The following ZNF521 variants were observed in gnomAD, a reference collection of about 807,000 sequenced individuals.
The protein encoded by ZNF521 is zinc finger protein 521.
ZNF521 carries 14 observed loss-of-function variants against 105.5 expected under a neutral mutation model. That is an observed-to-expected ratio of 0.13 (90% CI 0.09 to 0.21). The LOEUF (loss-of-function observed/expected upper bound fraction) is 0.21. Ranked by LOEUF, ZNF521 falls within the 10% of genes least tolerant of loss-of-function variation. The pLI, the probability that ZNF521 is intolerant of heterozygous loss-of-function variation, is 1.00. For synonymous variants in ZNF521, 635 were observed against 606.0 expected, an observed-to-expected ratio of 1.05 and a Z score of -0.70; for missense variants, 1,233 against 1,629.7, an observed-to-expected ratio of 0.76 and a Z score of 4.19.
Position 25,225,577 on chromosome 18 carries a change from T to C in ZNF521, c.2341A>G (p.Lys781Glu). 2 of 1,614,216 alleles carry C rather than the reference T, an allele frequency of 1.2e-6. No homozygotes were observed. The highest frequency in any genetic ancestry group is 4.5e-5 in the East Asian group (2 of 44,884). ...VKHNHLENQGKVHKCIFCGES... is the reference protein window; with the variant it reads ...VKHNHLENQGEVHKCIFCGES... ...CCGCAGAAAATGCACTTATGCACTT[T>C]CCCTTGGTTTTCCAGGTGGTTGTGT... Residue 781 changes from lysine to glutamate, a missense_variant, in exon 4 of 8, where the codon AAA (lysine) becomes GAA (glutamate). Lys to Glu is a moderately conservative substitution (Grantham distance 56). Coordinates refer to ENST00000361524, the MANE Select transcript of ZNF521 (RefSeq NM_015461.3). The surrounding 1 kb of genome is among the most constrained non-coding windows in gnomAD (Gnocchi z 5.6).
At chr18:25,282,678 C>CA (rs1242995107) in intron 3 of ZNF521, among the ~76,000 whole-genome samples, 2 of 151,504 alleles carry the variant, frequency 1.3e-5, no homozygotes, top group African/African-American at 2.4e-5. Context: ...GTCAGAAGCC[C>CA]AAAAAAATTA....
rs779125618 is a variant in ZNF521 at position 25,226,501 on chromosome 18, G to C, written c.1417C>G (p.Pro473Ala). The C allele has an allele frequency of 8.7e-6, 14 of 1,614,030 alleles. No homozygotes were observed. The highest frequency in any genetic ancestry group is 1.6e-4 in the Middle Eastern group (1 of 6,084). ...QDPGLIVSAMPAIVYQCNFCS... is the reference protein window; with the variant it reads ...QDPGLIVSAMAAIVYQCNFCS... ...AAGTTACACTGGTAGACAATGGCAGGCATGGCAGAAACAATCAGACCTGGG... is the reference window on the plus strand; with the variant it reads ...AAGTTACACTGGTAGACAATGGCAGCCATGGCAGAAACAATCAGACCTGGG... The change falls in exon 4 of 8, where the codon CCT becomes GCT. Residue 473 changes from proline to alanine, a missense_variant. Physicochemically the swap from Pro to Ala is conservative, Grantham distance 27 (BLOSUM62 -1). Around this residue, in one of 6 missense-constraint regions of ZNF521, gnomAD observed 380 missense variants for 478.0 expected, o/e 0.80. Transcript: ENST00000361524. This position sits in a 1 kb window ranked among gnomAD's most constrained non-coding sequence, Gnocchi z 4.1.
intron 3 of ZNF521, among the ~76,000 whole-genome samples, chr18:25,290,609 T>C (rs1050551851): frequency 1.4e-5 from 2 of 140,560 alleles, no homozygotes; most frequent in Admixed American, 7.0e-5. Context: ...GCCATATTCT[T>C]TTTTTTTTTT....
At chr18:25,114,975 T>G (rs1220474691) in intron 5 of ZNF521, among the ~76,000 whole-genome samples, 1 of 152,220 alleles carries the variant, frequency 6.6e-6, no homozygotes, top group African/African-American at 2.4e-5. Context: ...TTATTTTTTT[T>G]CCTATGAATA....
chr18:25,154,267 C>T (rs552744191), intron 5 of ZNF521, among the ~76,000 whole-genome samples: 7 of 152,230 alleles, frequency 4.6e-5, no homozygotes, highest in South Asian at 2.1e-4. Context: ...TGCTGTGGCC[C>T]GAAGCTGCTA....
chr18:25,174,171 A>C (rs2035495672), intron 5 of ZNF521, among the ~76,000 whole-genome samples: 1 of 152,168 alleles, frequency 6.6e-6, no homozygotes, highest in Non-Finnish European at 1.5e-5. Flanking sequence ...AATTCTGGAA[A>C]ACAAAAAATC....
intron 2 of ZNF521, among the ~76,000 whole-genome samples, chr18:25,349,244 G>T (rs1914594669): frequency 6.6e-6 from 1 of 152,126 alleles, no homozygotes; most frequent in South Asian, 2.1e-4. Context: ...AGAAAGCCGG[G>T]GTCTCGGGCA....
chr18:25,196,878 T>C (rs901726135), intron 4 of ZNF521, among the ~76,000 whole-genome samples: 1 of 151,866 alleles, frequency 6.6e-6, no homozygotes, highest in Admixed American at 6.6e-5. Flanking sequence ...ATTCCTGATA[T>C]GTGACCTTGC....
chr18:25,198,585 T>C (rs2035940441), intron 4 of ZNF521, among the ~76,000 whole-genome samples: 1 of 151,642 alleles, frequency 6.6e-6, no homozygotes, highest in Non-Finnish European at 1.5e-5. Flanking sequence ...TTAAAAAAAA[T>C]CAGTGCATAG....
intron 7 of ZNF521, among the ~76,000 whole-genome samples, chr18:25,065,636 TA>T (rs562209553): frequency 0.012 from 1,726 of 138,356 alleles, 20 homozygotes; most frequent in East Asian, 0.029. Context: ...TCTTACCAAA[TA>T]AAAAAAAAAA....
At chr18:25,209,514 G>T (rs115565075) in intron 4 of ZNF521, among the ~76,000 whole-genome samples, 2 of 152,266 alleles carry the variant, frequency 1.3e-5, no homozygotes, top group East Asian at 3.9e-4. Context: ...TGTAAATACT[G>T]TGTATGTGAT....
intron 2 of ZNF521, among the ~76,000 whole-genome samples, chr18:25,344,922 A>G (rs1292647213): frequency 6.6e-6 from 1 of 152,224 alleles, no homozygotes; most frequent in African/African-American, 2.4e-5. Flanking sequence ...AATAAAACAC[A>G]TTAATAGGAA....
chr18:25,211,938 C>T (rs7230974), intron 4 of ZNF521, among the ~76,000 whole-genome samples: 82,242 of 151,956 alleles, frequency 0.54, 22,733 homozygotes, highest in East Asian at 0.64. Context: ...ATGAGTTGAA[C>T]AGTTTATCCA....
At chr18:25,325,290 A>T (rs150728346) in intron 2 of ZNF521, among the ~76,000 whole-genome samples, 222 of 152,292 alleles carry the variant, frequency 1.5e-3, no homozygotes, top group Middle Eastern at 3.4e-3. Flanking sequence ...TACACTGTCA[A>T]CCATTTCTTT....
At position 25,226,644 on chromosome 18, in the gene ZNF521, A is replaced by C; in HGVS notation, c.1274T>G (p.Leu425Arg). The change falls in exon 4 of 8, where the codon CTG becomes CGG. Residue 425 changes from leucine (L) to arginine (R), a missense_variant. By Grantham distance (102) the Leu-to-Arg change is moderately radical (BLOSUM62 -2). Transcript: ENST00000361524. This position sits in a 1 kb window ranked among gnomAD's most constrained non-coding sequence, Gnocchi z 4.1. The part of the protein sequence containing the change: ...FSSLAVLQIH[L>R]KTMHLDKPEQ... ...TGGCTTATCTAAGTGCATAGTTTTC[A>C]GGTGAATCTGCAGAACTGCAAGACT... is the stretch of plus-strand genomic sequence containing the variant. 1.2e-6 allele frequency: 2 copies of C among 1,614,224 alleles called. No individual in the cohort carries two copies. The highest frequency in any genetic ancestry group is 1.7e-6 in the Non-Finnish European group (2 of 1,180,042).
intron 5 of ZNF521, among the ~76,000 whole-genome samples, chr18:25,149,523 A>G (rs1057018291): frequency 3.3e-5 from 5 of 152,174 alleles, no homozygotes; most frequent in African/African-American, 1.2e-4. Context: ...AGACCTTTAT[A>G]TTGGCTCATG....
At chr18:25,329,663 G>C (rs968809374) in intron 2 of ZNF521, among the ~76,000 whole-genome samples, 12 of 152,238 alleles carry the variant, frequency 7.9e-5, no homozygotes, top group African/African-American at 2.9e-4. Flanking sequence ...GGCTGGAAAA[G>C]CGGCTAGAGC....
chr18:25,135,362 C>G (rs2034714542), intron 5 of ZNF521, among the ~76,000 whole-genome samples: 1 of 151,362 alleles, frequency 6.6e-6, no homozygotes, highest in Admixed American at 6.6e-5. Context: ...GCCCAGAAAT[C>G]CAACCTGCTT....
intron 5 of ZNF521, among the ~76,000 whole-genome samples, chr18:25,131,376 T>G (rs2034638278): frequency 6.6e-6 from 1 of 152,114 alleles, no homozygotes; most frequent in South Asian, 2.1e-4. Context: ...CCCAAGAAGT[T>G]TTGTACACAC....
Sources: allele counts gnomAD v4.1 joint callset (sites outside exome capture counted in the v4.1 genomes callset), GRCh38; gene constraint gnomAD v4.1.1; regional missense constraint gnomAD v4.1.1; non-coding constraint Gnocchi (gnomAD v3.1); transcripts MANE v1.5; gene names NCBI Gene and HGNC (gene_info 2026-07-23, HGNC 2026-07-21).